BCOR: variants seen among roughly 807,000 people sequenced by gnomAD.
The protein encoded by BCOR is BCL6 corepressor.
Under a neutral mutation model 86.7 loss-of-function variants are expected in BCOR, and 10 were observed. The ratio of observed to expected loss-of-function variants is 0.12; its 90% confidence interval spans 0.07 to 0.20. The LOEUF (loss-of-function observed/expected upper bound fraction) is 0.20. Among genes scored for constraint, BCOR ranks in the 10% least tolerant of loss-of-function variants. The pLI is 1.00. For missense variants in BCOR, 1,259 were observed against 1,452.1 expected, an observed-to-expected ratio of 0.87 and a Z score of 2.16; for synonymous variants, 611 against 609.0, an observed-to-expected ratio of 1.00 and a Z score of -0.05.
chrX:40,070,886 C>T, intron 6 of BCOR, 87 bp downstream of exon 6: 1 of 933,596 alleles, frequency 1.1e-6, no homozygotes, highest in Non-Finnish European at 1.6e-6. Flanking sequence ...GCCCTTCATT[C>T]CATGCATGGC....
intron 1 of BCOR, among the ~76,000 whole-genome samples, chrX:40,121,547 C>T (rs1044123407): frequency 9.7e-5 from 11 of 113,096 alleles, no homozygotes; most frequent in African/African-American, 3.5e-4. Context: ...GGTGCCAGGG[C>T]ACCGTGGAGA....
At chrX:40,081,300 C>T (rs1043224758) in intron 1 of BCOR, among the ~76,000 whole-genome samples, 1 of 111,691 alleles carries the variant, frequency 9.0e-6, no homozygotes, top group Non-Finnish European at 1.9e-5. Context: ...GAACAGGGGT[C>T]ACCATTACCT....
At chrX:40,140,279 G>A (rs1397601230) in intron 1 of BCOR, among the ~76,000 whole-genome samples, 2 of 104,796 alleles carry the variant, frequency 1.9e-5, no homozygotes, top group Non-Finnish European at 3.9e-5. Flanking sequence ...GCAACATGGT[G>A]AGACCCAGTC....
intron 1 of BCOR, among the ~76,000 whole-genome samples, chrX:40,092,184 AG>A (rs1226241428): frequency 1.8e-5 from 2 of 111,755 alleles, no homozygotes; most frequent in Non-Finnish European, 3.8e-5. Flanking sequence ...TGGCATTGCC[AG>A]GGCTGCCCGC....
At chrX:40,150,116 G>A (rs1202016604) in intron 1 of BCOR, among the ~76,000 whole-genome samples, 2 of 112,732 alleles carry the variant, frequency 1.8e-5, no homozygotes, top group South Asian at 3.6e-4. Context: ...AGAGGAACAT[G>A]TATTACTCTC....
intron 1 of BCOR, among the ~76,000 whole-genome samples, chrX:40,169,338 C>G (rs746465985): frequency 8.9e-6 from 1 of 112,089 alleles, no homozygotes; most frequent in South Asian, 3.7e-4. Flanking sequence ...ACGCTATCGA[C>G]TGGAACAGGA....
At chrX:40,167,962 A>T (rs1362585303) in intron 1 of BCOR, among the ~76,000 whole-genome samples, 1 of 112,592 alleles carries the variant, frequency 8.9e-6, no homozygotes, top group Non-Finnish European at 1.9e-5. Context: ...TTCTCCTGGG[A>T]AGCTTCGATT....
At chrX:40,083,588 A>C (rs1936211991) in intron 1 of BCOR, among the ~76,000 whole-genome samples, 1 of 110,420 alleles carries the variant, frequency 9.1e-6, no homozygotes. Flanking sequence ...AGAAAGGGGG[A>C]GGGGCGCCCC....
chrX:40,093,749 T>G (rs1469368304), intron 1 of BCOR, among the ~76,000 whole-genome samples: 1 of 111,732 alleles, frequency 8.9e-6, no homozygotes, highest in Non-Finnish European at 1.9e-5. Flanking sequence ...CTCAGGTCCT[T>G]GGTCTGCAGC....
intron 1 of BCOR, among the ~76,000 whole-genome samples, chrX:40,172,005 C>T (rs778733674): frequency 8.8e-6 from 1 of 113,035 alleles, no homozygotes; most frequent in East Asian, 2.8e-4. Flanking sequence ...CAGCCTGGCC[C>T]CCTCTGGGCC....
chrX:40,053,759 G>T, intron 14 of BCOR, 127 bp downstream of exon 14: 1 of 737,974 alleles, frequency 1.4e-6, no homozygotes, highest in South Asian at 2.3e-5. Flanking sequence ...ACTGCATTGT[G>T]TGAGGTTCGT....
intron 1 of BCOR, among the ~76,000 whole-genome samples, chrX:40,090,706 G>T (rs2147601668): frequency 1.8e-5 from 2 of 112,580 alleles, no homozygotes; most frequent in East Asian, 5.7e-4. Flanking sequence ...CGCTCTCTCC[G>T]AAAAGTCTAA....
At chrX:40,155,810 C>T (rs1015219218) in intron 1 of BCOR, among the ~76,000 whole-genome samples, 1 of 112,864 alleles carries the variant, frequency 8.9e-6, no homozygotes. Context: ...ATCATCGCAG[C>T]GCGCCGCGGG....
At chrX:40,134,415 G>A (rs1236208221) in intron 1 of BCOR, among the ~76,000 whole-genome samples, 2 of 111,581 alleles carry the variant, frequency 1.8e-5, no homozygotes, top group Admixed American at 1.9e-4. Context: ...CTTGAGCCCA[G>A]GAGTTCAAGA....
chrX:40,160,985 T>A (rs1422765136), intron 1 of BCOR, among the ~76,000 whole-genome samples: 19 of 106,921 alleles, frequency 1.8e-4, no homozygotes, highest in East Asian at 1.7e-3. Context: ...TTTTTTATTT[T>A]TTTTTTTTAA....
chrX:40,098,543 C>T (rs1280646061), upstream of BCOR, among the ~76,000 whole-genome samples: 1 of 111,323 alleles, frequency 9.0e-6, no homozygotes, highest in African/African-American at 3.3e-5. Context: ...AGTGGAGGAC[C>T]GCAATTACCA....
intron 1 of BCOR, among the ~76,000 whole-genome samples, chrX:40,129,461 C>T (rs1284095062): frequency 9.9e-6 from 1 of 101,111 alleles, no homozygotes; most frequent in Non-Finnish European, 2.0e-5. Context: ...TCCAGCCTGG[C>T]GACAGTGAGA....
intron 1 of BCOR, among the ~76,000 whole-genome samples, chrX:40,111,897 GC>G (rs1937317881): frequency 1.8e-5 from 2 of 111,544 alleles, no homozygotes; most frequent in African/African-American, 6.5e-5. Context: ...ATGGAGACAG[GC>G]CTTGTCAATT....
chrX:40,109,256 C>T (rs1937254233), intron 1 of BCOR, among the ~76,000 whole-genome samples: 1 of 112,214 alleles, frequency 8.9e-6, no homozygotes, highest in Non-Finnish European at 1.9e-5. Context: ...CGGTCCTCGG[C>T]GCGGGTGCCC....
Sources: gnomAD v4.1 joint callset for allele counts (sites outside exome capture counted in the v4.1 genomes callset) on GRCh38, gnomAD v4.1.1 for gene constraint, MANE v1.5 for transcripts, NCBI Gene and HGNC (gene_info 2026-07-23, HGNC 2026-07-21) for gene names.